Variants in DLGAP2 observed in about 807,000 individuals in gnomAD.
The protein encoded by DLGAP2 is disks large-associated protein 2.
A neutral mutation model predicts 100.3 loss-of-function variants in DLGAP2; 26 were observed. That is an observed-to-expected ratio of 0.26 (90% confidence interval 0.19 to 0.36). DLGAP2 has a LOEUF of 0.36. DLGAP2 is among the 10% of genes least tolerant of loss of function. DLGAP2 has a pLI of 1.00. For synonymous variants in DLGAP2, 886 were observed against 630.1 expected, an observed-to-expected ratio of 1.41 and a Z score of -6.08; for missense variants, 1,858 against 1,453.2, an observed-to-expected ratio of 1.28 and a Z score of -4.53.
At chr8:1,361,010 C>T (rs1243178863) in intron 3 of DLGAP2, among the ~76,000 whole-genome samples, 3 of 152,162 alleles carry the variant, frequency 2.0e-5, no homozygotes, top group Non-Finnish European at 4.4e-5. Context: ...AAAATTTCAT[C>T]CTGAGAAGGG....
rs534460324 is a variant in DLGAP2, at chr8:1,116,494, A to G, written c.74-142357A>G. Among the ~76,000 whole-genome samples, 46 of 152,328 alleles carry G rather than the reference A, an allele frequency of 3.0e-4. 1 individual carries two copies. The South Asian group carries it at 9.3e-3, about 31-fold the overall frequency. On this transcript the variant is annotated intron_variant, in intron 2 of 14. Coordinates refer to ENST00000637795, the MANE Select transcript of DLGAP2 (RefSeq NM_001346810.2). Reference sequence around the variant, plus strand: ...GTGGGGGTGACAATATTCACCTCACATTGAGAATGGGGCAGATAATATATT... The same window carrying G: ...GTGGGGGTGACAATATTCACCTCACGTTGAGAATGGGGCAGATAATATATT...
At chr8:1,469,241 G>GC (rs1798713486) in intron 3 of DLGAP2, among the ~76,000 whole-genome samples, 1 of 152,230 alleles carries the variant, frequency 6.6e-6, no homozygotes, top group Non-Finnish European at 1.5e-5. Context: ...GGTGGCTGTG[G>GC]CCAGCAGCAG....
At chr8:1,378,435 C>G (rs965228600) in intron 3 of DLGAP2, among the ~76,000 whole-genome samples, 4 of 150,502 alleles carry the variant, frequency 2.7e-5, no homozygotes, top group Admixed American at 6.6e-5. Flanking sequence ...CACACCTGAC[C>G]TCACCTGTCC....
chr8:1,629,483 AT>A (rs1320847664), intron 7 of DLGAP2, among the ~76,000 whole-genome samples: 3 of 152,248 alleles, frequency 2.0e-5, no homozygotes, highest in African/African-American at 7.2e-5. Context: ...AATTGTAATT[AT>A]TTTAATAACT....
At chr8:1,146,761 A>C (rs1796615825) in intron 2 of DLGAP2, among the ~76,000 whole-genome samples, 1 of 152,210 alleles carries the variant, frequency 6.6e-6, no homozygotes, top group South Asian at 2.1e-4. Context: ...AGCTATTGAA[A>C]GGACAAGCCG....
chr8:1,282,226 T>G (rs1799832189), intron 3 of DLGAP2, among the ~76,000 whole-genome samples: 1 of 108,118 alleles, frequency 9.2e-6, no homozygotes, highest in Non-Finnish European at 2.0e-5. Flanking sequence ...CCCAGCCCCC[T>G]GAACCATCAG....
intron 2 of DLGAP2, among the ~76,000 whole-genome samples, chr8:1,135,603 G>T (rs1364966038): frequency 7.5e-6 from 1 of 133,882 alleles, no homozygotes; most frequent in African/African-American, 2.7e-5. Flanking sequence ...GCACACCTAA[G>T]GGGAACGACA....
At chr8:803,947 G>C (rs536028441) in intron 1 of DLGAP2, among the ~76,000 whole-genome samples, 1 of 152,298 alleles carries the variant, frequency 6.6e-6, no homozygotes, top group South Asian at 2.1e-4. Context: ...AGATGTATCC[G>C]TGAAATACAT....
In DLGAP2 at chr8:829,892, C is replaced by T. The variant is rs995317192; in HGVS notation, c.19-78020C>T. 9.2e-5 allele frequency among the ~76,000 whole-genome samples: 14 copies of T among 152,254 alleles called. No homozygotes were observed. The East Asian group carries it at 2.5e-3, about 27-fold the overall frequency. On this transcript the variant is annotated intron_variant, in intron 1 of 14. Coordinates refer to ENST00000637795, the MANE Select transcript of DLGAP2 (RefSeq NM_001346810.2). Reference sequence around the variant, plus strand: ...TAGCCATGAGGTTCCCCATTACATGCGCACACCTCAGTTTATGTACCAGTC... The same window carrying T: ...TAGCCATGAGGTTCCCCATTACATGTGCACACCTCAGTTTATGTACCAGTC...
chr8:1,004,907 AG>A (rs1487796568), intron 2 of DLGAP2, among the ~76,000 whole-genome samples: 1 of 152,136 alleles, frequency 6.6e-6, no homozygotes, highest in Non-Finnish European at 1.5e-5. Flanking sequence ...CTCAGGCAGG[AG>A]GGGGCTGCTG....
At chr8:1,588,346 A>G (rs1796188804) in intron 6 of DLGAP2, among the ~76,000 whole-genome samples, 1 of 152,212 alleles carries the variant, frequency 6.6e-6, no homozygotes, top group Non-Finnish European at 1.5e-5. Flanking sequence ...CTGAGGACAC[A>G]GTTAAGTGGA....
intron 1 of DLGAP2, among the ~76,000 whole-genome samples, chr8:813,760 G>A (rs774532966): frequency 3.9e-5 from 6 of 152,192 alleles, no homozygotes; most frequent in Non-Finnish European, 8.8e-5. Flanking sequence ...AAAGAATCTG[G>A]GGTTCTTTCT....
chr8:957,075 AC>A (rs1799613162), intron 2 of DLGAP2, among the ~76,000 whole-genome samples: 1 of 152,234 alleles, frequency 6.6e-6, no homozygotes, highest in Non-Finnish European at 1.5e-5. Flanking sequence ...GAAAGCTCAG[AC>A]CATTTGCAAA....
At chr8:1,324,588 T>C (rs748101704) in intron 3 of DLGAP2, among the ~76,000 whole-genome samples, 2 of 152,170 alleles carry the variant, frequency 1.3e-5, no homozygotes, top group Admixed American at 6.5e-5. Flanking sequence ...CCATAGGGTT[T>C]TCTTAAGCTG....
intron 3 of DLGAP2, among the ~76,000 whole-genome samples, chr8:1,311,681 A>C (rs1181511348): frequency 6.6e-6 from 1 of 150,600 alleles, no homozygotes; most frequent in African/African-American, 2.5e-5. Flanking sequence ...GGTGTCTGAC[A>C]AAATCTCATA....
chr8:1,429,223 T>C (rs559571666), intron 3 of DLGAP2, among the ~76,000 whole-genome samples: 2 of 152,332 alleles, frequency 1.3e-5, no homozygotes, highest in African/African-American at 4.8e-5. Context: ...TTCTGGATGG[T>C]AGAATTCCTA....
At chr8:835,266 C>T (rs901427344) in intron 1 of DLGAP2, among the ~76,000 whole-genome samples, 1 of 151,804 alleles carries the variant, frequency 6.6e-6, no homozygotes, top group African/African-American at 2.4e-5. Flanking sequence ...ATATGTTTCT[C>T]TTTATATTCT....
At chr8:1,414,569 A>G (rs988870419) in intron 3 of DLGAP2, among the ~76,000 whole-genome samples, 8 of 152,200 alleles carry the variant, frequency 5.3e-5, no homozygotes, top group African/African-American at 1.4e-4. Flanking sequence ...CAGAGTCCAC[A>G]CCAGAGTGGA....
intron 2 of DLGAP2, among the ~76,000 whole-genome samples, chr8:1,091,975 C>A (rs964361143): frequency 9.9e-5 from 15 of 152,118 alleles, no homozygotes; most frequent in Admixed American, 8.5e-4. Flanking sequence ...TTCTGCCCCA[C>A]GTTTTATTTT....
Sources: gnomAD v4.1 joint callset for allele counts (sites outside exome capture counted in the v4.1 genomes callset) on GRCh38, gnomAD v4.1.1 for gene constraint, MANE v1.5 for transcripts, NCBI Gene and HGNC (gene_info 2026-07-23, HGNC 2026-07-21) for gene names.